The following SOX13 variants were observed in gnomAD, a reference collection of about 807,000 sequenced individuals.
The protein encoded by SOX13 is SRY-box transcription factor 13, also known as transcription factor SOX-13.
SOX13 carries 28 observed loss-of-function variants against 71.8 expected under a neutral mutation model. The observed-to-expected ratio is 0.39, with a 90% CI of 0.29 to 0.53. The LOEUF is 0.53. Among genes scored for constraint, SOX13 ranks in the 20% least tolerant of loss-of-function variants. The probability of loss-of-function intolerance (pLI) is 0.70; values close to 1 mark genes in which losing one functional copy is unlikely to be tolerated. For missense variants in SOX13, 627 were observed against 810.3 expected, an observed-to-expected ratio of 0.77 and a Z score of 2.75; for synonymous variants, 309 against 317.8, an observed-to-expected ratio of 0.97 and a Z score of 0.29.
chr1:204,126,386 G>A lies in SOX13; in HGVS notation c.*252G>A. The A allele has an allele frequency of 3.6e-6, 2 of 552,050 alleles. No individual in the cohort carries two copies. Among genetic ancestry groups the A allele is most frequent in the Non-Finnish European group, 6.5e-6 (2 of 306,546 alleles). 34.2% of individuals were successfully genotyped at this position (552,050 alleles called of 1,614,324 possible). ...GCAGGCTGAGCACCTCAGCCTTTAG[G>A]GCTTATGGCCAGGGGACACTGTATG... is the stretch of plus-strand genomic sequence containing the variant. On this transcript the variant is annotated 3_prime_UTR_variant, in exon 14 of 14. Coordinates refer to ENST00000367204, the MANE Select transcript of SOX13 (RefSeq NM_005686.3).
At chr1:204,105,693 C>T (rs985356726) in intron 1 of SOX13, among the ~76,000 whole-genome samples, 1 of 152,076 alleles carries the variant, frequency 6.6e-6, no homozygotes, top group African/African-American at 2.4e-5. Context: ...GATATGAGTC[C>T]GGCCATTCTA....
intron 4 of SOX13, chr1:204,116,115 C>G: frequency 8.5e-6 from 10 of 1,178,598 alleles, no homozygotes; most frequent in Non-Finnish European, 1.1e-5. Flanking sequence ...GAATTTGACC[C>G]CAGACCTGTC....
chr1:204,077,814 T>C (rs1292082811), intron 1 of SOX13, among the ~76,000 whole-genome samples: 1 of 151,030 alleles, frequency 6.6e-6, no homozygotes, highest in Admixed American at 6.6e-5. Flanking sequence ...TGTTTGCTTG[T>C]TTGTTTGTTT....
intron 1 of SOX13, among the ~76,000 whole-genome samples, chr1:204,108,117 A>T (rs1656508895): frequency 6.6e-6 from 1 of 152,214 alleles, no homozygotes; most frequent in Non-Finnish European, 1.5e-5. Flanking sequence ...ATATAATGGG[A>T]ACTACATGTG....
intron 1 of SOX13, among the ~76,000 whole-genome samples, chr1:204,100,927 A>T (rs1396489420): frequency 1.3e-5 from 2 of 152,210 alleles, no homozygotes; most frequent in African/African-American, 4.8e-5. Flanking sequence ...CTTGGCTGCC[A>T]TGATCATAGA....
chr1:204,074,368 C>G (rs1250343541), intron 1 of SOX13: 1 of 151,790 alleles, frequency 6.6e-6, no homozygotes, highest in African/African-American at 2.4e-5. Context: ...CTACCCCCAC[C>G]TCCCGCCCTG....
Position 204,116,502 on chromosome 1 carries a change from A to G in SOX13, c.419-5A>G, listed in dbSNP as rs1462868936. ...CTCAATGGGGTCTGTTTCACTGTGG[A>G]GCAGGGACCCAAGAGAGCCTAGCAG... is the stretch of plus-strand genomic sequence containing the variant. On this transcript the variant is annotated splice_polypyrimidine_tract_variant and splice_region_variant and intron_variant, in intron 4 of 13. Transcript: ENST00000367204. 2 of 1,613,544 alleles carry G rather than the reference A, an allele frequency of 1.2e-6. No homozygotes were observed. Among genetic ancestry groups the G allele is most frequent in the African/African-American group, 2.7e-5 (2 of 74,894 alleles).
chr1:204,079,555 A>G (rs910809714), intron 1 of SOX13, among the ~76,000 whole-genome samples: 4 of 146,972 alleles, frequency 2.7e-5, no homozygotes, highest in African/African-American at 1.0e-4. Flanking sequence ...CATGTTGGCC[A>G]TGGCTGGTCT....
At position 204,112,309 on chromosome 1, in the gene SOX13, C is replaced by T. The variant is rs565918050; in HGVS notation, c.-1-606C>T. ...TACAAATATTAGTTGGGGGTGGTGG[C>T]GTGTGCCTGTAATTCCAGCTACTCG... On this transcript the variant is annotated intron_variant, in intron 1 of 13. Coordinates refer to ENST00000367204, the MANE Select transcript of SOX13 (RefSeq NM_005686.3). Among the ~76,000 whole-genome samples the T allele has an allele frequency of 2.0e-4, 30 of 152,102 alleles. No homozygotes were observed. The East Asian group carries it at 2.9e-3, about 15-fold the overall frequency.
intron 1 of SOX13, among the ~76,000 whole-genome samples, chr1:204,111,097 C>T (rs1404101084): frequency 1.3e-5 from 2 of 152,138 alleles, no homozygotes; most frequent in Non-Finnish European, 2.9e-5. Flanking sequence ...TACTGCATTC[C>T]AACTAGTAGT....
intron 1 of SOX13, among the ~76,000 whole-genome samples, chr1:204,101,640 A>C (rs796352748): frequency 6.6e-6 from 1 of 152,058 alleles, no homozygotes; most frequent in Non-Finnish European, 1.5e-5. Flanking sequence ...GCTTTGTGCC[A>C]GGCATTGGGC....
chr1:204,110,718 A>G (rs1656564113), intron 1 of SOX13, among the ~76,000 whole-genome samples: 2 of 152,188 alleles, frequency 1.3e-5, no homozygotes, highest in Non-Finnish European at 2.9e-5. Flanking sequence ...TGCGTGTTTC[A>G]TAATACATAA....
At chr1:204,103,491 G>A (rs1450386731) in intron 1 of SOX13, among the ~76,000 whole-genome samples, 15 of 152,262 alleles carry the variant, frequency 9.9e-5, no homozygotes. Flanking sequence ...TTCTTGTGAG[G>A]ATTAAGCAGG....
chr1:204,097,041 T>C (rs1308303041), intron 1 of SOX13, among the ~76,000 whole-genome samples: 2 of 152,134 alleles, frequency 1.3e-5, no homozygotes, highest in Non-Finnish European at 2.9e-5. Flanking sequence ...TGGCTTCCAT[T>C]CTCTGTCCTA....
At chr1:204,084,290 G>C (rs1299780155) in intron 1 of SOX13, among the ~76,000 whole-genome samples, 1 of 152,174 alleles carries the variant, frequency 6.6e-6, no homozygotes, top group Non-Finnish European at 1.5e-5. Flanking sequence ...GGCCCAAGCT[G>C]CCAGGGGATT....
intron 1 of SOX13, among the ~76,000 whole-genome samples, chr1:204,082,841 G>T (rs1005923432): frequency 6.6e-6 from 1 of 152,214 alleles, no homozygotes; most frequent in African/African-American, 2.4e-5. Context: ...GTAGACAAGG[G>T]ATGGACTTGA....
chr1:204,102,021 G>A (rs887238988), intron 1 of SOX13, among the ~76,000 whole-genome samples: 2 of 152,216 alleles, frequency 1.3e-5, no homozygotes, highest in East Asian at 1.9e-4. Context: ...ACATGGTGAG[G>A]CTGAGAGAGT....
chr1:204,105,682 A>G (rs1471010394), intron 1 of SOX13, among the ~76,000 whole-genome samples: 2 of 152,180 alleles, frequency 1.3e-5, no homozygotes, highest in African/African-American at 4.8e-5. Context: ...CTGGGATTAC[A>G]GATATGAGTC....
At chr1:204,088,307 G>A (rs1238929517) in intron 1 of SOX13, among the ~76,000 whole-genome samples, 3 of 152,122 alleles carry the variant, frequency 2.0e-5, no homozygotes, top group East Asian at 3.9e-4. Context: ...TGGTCGATTC[G>A]GCTGGGGACA....
Sources: allele counts gnomAD v4.1 joint callset (sites outside exome capture counted in the v4.1 genomes callset), GRCh38; gene constraint gnomAD v4.1.1; transcripts MANE v1.5; gene names NCBI Gene and HGNC (gene_info 2026-07-23, HGNC 2026-07-21).